Variants in CDKAL1 observed in about 807,000 individuals in gnomAD.
CDKAL1 encodes CDKAL1 threonylcarbamoyladenosine tRNA methylthiotransferase, also known as threonylcarbamoyladenosine tRNA methylthiotransferase.
A neutral mutation model predicts 68.2 loss-of-function variants in CDKAL1; 32 were observed. The observed-to-expected ratio is 0.47, with a 90% CI of 0.35 to 0.63. The LOEUF (loss-of-function observed/expected upper bound fraction) is 0.63, where lower values mean the gene tolerates loss of function less well. Ranked by LOEUF, CDKAL1 falls within the 30% of genes least tolerant of loss-of-function variation. The probability of loss-of-function intolerance (pLI) is 0.00; values close to 1 mark genes in which losing one functional copy is unlikely to be tolerated. For missense variants in CDKAL1, 606 were observed against 696.7 expected (o/e 0.87, Z 1.47); for synonymous variants, 234 against 244.3 (o/e 0.96, Z 0.39).
intron 8 of CDKAL1, among the ~76,000 whole-genome samples, chr6:20,808,853 G>A (rs576549376): frequency 6.6e-6 from 1 of 152,136 alleles, no homozygotes; most frequent in Non-Finnish European, 1.5e-5. Context: ...TTTTCACTGG[G>A]CTCCTGAAAT....
At position 20,797,294 on chromosome 6, in the gene CDKAL1, A is replaced by T. The variant is rs60343207; in HGVS notation, c.638+16029A>T. The stretch of plus-strand genomic sequence containing the variant: ...TTTTTCGACATCATTAACATCAGGG[A>T]TCCTATAACTCACCTATTCGACCAA... On this transcript the variant is annotated intron_variant, in intron 8 of 15. Transcript: ENST00000274695. Among the ~76,000 whole-genome samples the T allele has an allele frequency of 2.8e-4, 42 of 152,308 alleles. No individual in the cohort carries two copies. In the East Asian group the frequency reaches 8.1e-3, roughly 29 times the overall value.
At chr6:21,111,265 C>T (rs1180241385) in intron 13 of CDKAL1, among the ~76,000 whole-genome samples, 2 of 152,160 alleles carry the variant, frequency 1.3e-5, no homozygotes, top group African/African-American at 4.8e-5. Flanking sequence ...AAAGAATAGT[C>T]AGCATTTTAG....
At chr6:20,637,806 A>G (rs911438716) in intron 4 of CDKAL1, among the ~76,000 whole-genome samples, 1 of 152,176 alleles carries the variant, frequency 6.6e-6, no homozygotes, top group African/African-American at 2.4e-5. Context: ...AATTTTATGT[A>G]AATACCAGCA....
chr6:21,069,517 A>G (rs1483636567), intron 12 of CDKAL1, among the ~76,000 whole-genome samples: 1 of 152,074 alleles, frequency 6.6e-6, no homozygotes, highest in Non-Finnish European at 1.5e-5. Flanking sequence ...GTTGTGATAT[A>G]TTGCTATTGA....
intron 7 of CDKAL1, among the ~76,000 whole-genome samples, chr6:20,762,066 C>G (rs954299943): frequency 6.6e-6 from 1 of 152,076 alleles, no homozygotes; most frequent in Non-Finnish European, 1.5e-5. Context: ...TTCTTTGAAT[C>G]TAAAACTACT....
intron 12 of CDKAL1, among the ~76,000 whole-genome samples, chr6:21,072,427 A>C (rs1441809473): frequency 6.6e-6 from 1 of 152,120 alleles, no homozygotes; most frequent in Non-Finnish European, 1.5e-5. Flanking sequence ...GTCTGATACT[A>C]GCTAGTTAGC....
intron 11 of CDKAL1, among the ~76,000 whole-genome samples, chr6:21,000,693 TC>T (rs1767382867): frequency 6.6e-6 from 1 of 152,226 alleles, no homozygotes. Context: ...TGTGTAAATC[TC>T]CTTTAATGTG....
chr6:20,568,812 C>T (rs1457055427), intron 4 of CDKAL1, among the ~76,000 whole-genome samples: 1 of 151,880 alleles, frequency 6.6e-6, no homozygotes, highest in Non-Finnish European at 1.5e-5. Flanking sequence ...TTTTTAACTT[C>T]ACTCCTCCCT....
intron 9 of CDKAL1, among the ~76,000 whole-genome samples, chr6:20,865,094 AATT>A (rs1374979444): frequency 5.3e-5 from 8 of 151,992 alleles, no homozygotes; most frequent in Non-Finnish European, 1.2e-4. Context: ...TCACCTCATG[AATT>A]ATTGCTGCTG....
At chr6:20,870,881 A>G (rs1399931351) in intron 9 of CDKAL1, among the ~76,000 whole-genome samples, 2 of 152,222 alleles carry the variant, frequency 1.3e-5, no homozygotes, top group African/African-American at 4.8e-5. Context: ...CAGGACTGTT[A>G]TGGTGCACAT....
intron 9 of CDKAL1, among the ~76,000 whole-genome samples, chr6:20,944,149 C>T (rs1007152810): frequency 2.6e-5 from 4 of 152,212 alleles, no homozygotes; most frequent in African/African-American, 9.6e-5. Flanking sequence ...TGTACTGTGA[C>T]CTGGAAAATG....
chr6:20,560,489 T>C (rs1234129156), intron 4 of CDKAL1, among the ~76,000 whole-genome samples: 1 of 152,202 alleles, frequency 6.6e-6, no homozygotes, highest in African/African-American at 2.4e-5. Flanking sequence ...CATAGGAGCA[T>C]ATGAAGGTGG....
At chr6:20,851,020 GTT>G (rs5874789) in intron 9 of CDKAL1, among the ~76,000 whole-genome samples, 3 of 150,472 alleles carry the variant, frequency 2.0e-5, no homozygotes, top group Admixed American at 1.3e-4. Context: ...GTTTTCTGGC[GTT>G]TTTTTTTTCT....
chr6:20,581,755 A>T (rs1765151663), intron 4 of CDKAL1, among the ~76,000 whole-genome samples: 1 of 152,192 alleles, frequency 6.6e-6, no homozygotes, highest in South Asian at 2.1e-4. Context: ...CGTATCTATA[A>T]TTTATAATAA....
At position 21,013,889 on chromosome 6, in the gene CDKAL1, A is replaced by G. The variant is rs540462265; in HGVS notation, c.1055+13517A>G. On this transcript the variant is annotated intron_variant, in intron 11 of 15. Transcript: ENST00000274695. ...AGATAGATAGATATCACTTTCTCAC[A>G]TTAAAAAAGAAAAGAAAAGCTTAAG... Among the ~76,000 whole-genome samples, 6 of 152,314 alleles carry G rather than the reference A, an allele frequency of 3.9e-5. No homozygotes were observed. The South Asian group carries it at 1.2e-3, about 32-fold the overall frequency.
At chr6:21,092,869 C>A (rs1773115817) in intron 12 of CDKAL1, among the ~76,000 whole-genome samples, 2 of 143,780 alleles carry the variant, frequency 1.4e-5, no homozygotes, top group Non-Finnish European at 1.5e-5. Context: ...AACATGGTAG[C>A]AAAGGTAAAA....
At position 20,662,225 on chromosome 6, in the gene CDKAL1, C is replaced by T. The variant is rs1259509877; in HGVS notation, c.371+12848C>T. Among the ~76,000 whole-genome samples the T allele has an allele frequency of 2.0e-5, 3 of 152,118 alleles. No individual in the cohort carries two copies. The East Asian group carries it at 5.8e-4, about 29-fold the overall frequency. ...AAAAAGACTTTTTAAACCCATAGGA[C>T]ATGTTACCAAAGTATTAAATATTAA... On this transcript the variant is annotated intron_variant, in intron 5 of 15. Transcript: ENST00000274695.
At chr6:21,179,829 G>A (rs948106375) in intron 13 of CDKAL1, among the ~76,000 whole-genome samples, 2 of 152,196 alleles carry the variant, frequency 1.3e-5, no homozygotes, top group Non-Finnish European at 2.9e-5. Context: ...GGACCAGCCT[G>A]GGCCATATGG....
At chr6:20,582,522 T>C (rs1328084766) in intron 4 of CDKAL1, among the ~76,000 whole-genome samples, 4 of 152,216 alleles carry the variant, frequency 2.6e-5, no homozygotes, top group Non-Finnish European at 5.9e-5. Flanking sequence ...GAGGGTTTTT[T>C]TCCTCTCTAG....
Sources: gnomAD v4.1 joint callset for allele counts (sites outside exome capture counted in the v4.1 genomes callset) on GRCh38, gnomAD v4.1.1 for gene constraint, MANE v1.5 for transcripts, NCBI Gene and HGNC (gene_info 2026-07-23, HGNC 2026-07-21) for gene names.